The following MYT1L variants were observed in gnomAD, a reference collection of about 807,000 sequenced individuals.
MYT1L encodes myelin transcription factor 1-like protein.
A neutral mutation model predicts 126.7 loss-of-function variants in MYT1L; 12 were observed. That is an observed-to-expected ratio of 0.09 (90% CI 0.06 to 0.15). The LOEUF (loss-of-function observed/expected upper bound fraction) is 0.15. Among genes scored for constraint, MYT1L ranks in the 10% least tolerant of loss-of-function variants. The probability of loss-of-function intolerance (pLI) is 1.00; values close to 1 mark genes in which losing one functional copy is unlikely to be tolerated. For missense variants in MYT1L, 979 were observed against 1,585.2 expected (o/e 0.62, Z 6.49); for synonymous variants, 541 against 604.2 (o/e 0.90, Z 1.53).
intron 18 of MYT1L, among the ~76,000 whole-genome samples, chr2:1,853,472 C>G (rs971899474): frequency 1.6e-5 from 2 of 127,532 alleles, no homozygotes; most frequent in African/African-American, 5.4e-5. Context: ...AAATAAATGA[C>G]TGAACTTAAC....
intron 2 of MYT1L, among the ~76,000 whole-genome samples, chr2:2,279,564 TGAATGAAGGAAG>T (rs1458834162): frequency 2.3e-4 from 28 of 121,682 alleles, no homozygotes; most frequent in East Asian, 1.3e-3. Flanking sequence ...AAGGAATGAA[TGAATGAAGGAAG>T]GAAGGAAGGA....
chr2:2,118,012 G>A (rs2080453085), intron 3 of MYT1L, among the ~76,000 whole-genome samples: 1 of 151,366 alleles, frequency 6.6e-6, no homozygotes, highest in African/African-American at 2.4e-5. Flanking sequence ...ATACTCACAT[G>A]CCCACACTAT....
chr2:2,095,467 T>C (rs558112494), intron 3 of MYT1L, among the ~76,000 whole-genome samples: 2 of 152,310 alleles, frequency 1.3e-5, no homozygotes, highest in South Asian at 2.1e-4. Flanking sequence ...GCGTATGCTA[T>C]CCGACAAGAC....
chr2:2,167,753 T>G (rs1229342821), intron 3 of MYT1L, among the ~76,000 whole-genome samples: 1 of 152,328 alleles, frequency 6.6e-6, no homozygotes. Context: ...GATTCTCCCC[T>G]TTGGGGTGGC....
At chr2:1,925,270 T>G (rs2054072925) in intron 9 of MYT1L, among the ~76,000 whole-genome samples, 1 of 152,182 alleles carries the variant, frequency 6.6e-6, no homozygotes, top group African/African-American at 2.4e-5. Flanking sequence ...ACCTTGAAAG[T>G]GGTGAACAAG....
intron 18 of MYT1L, among the ~76,000 whole-genome samples, chr2:1,864,162 T>C (rs2045124345): frequency 6.6e-6 from 1 of 152,294 alleles, no homozygotes; most frequent in Admixed American, 6.5e-5. Flanking sequence ...CTTCAGGGAA[T>C]TCCAGGAGGC....
chr2:1,817,669 C>A (rs746629130), intron 21 of MYT1L, among the ~76,000 whole-genome samples: 4 of 152,134 alleles, frequency 2.6e-5, no homozygotes, highest in Non-Finnish European at 4.4e-5. Flanking sequence ...GGGGTGGTGG[C>A]GGCCCTGGTG....
At chr2:2,007,583 C>T (rs1213832939) in intron 4 of MYT1L, among the ~76,000 whole-genome samples, 5 of 152,236 alleles carry the variant, frequency 3.3e-5, no homozygotes, top group East Asian at 3.9e-4. Flanking sequence ...CTATCTGCTT[C>T]GGAACAAAGG....
intron 2 of MYT1L, among the ~76,000 whole-genome samples, chr2:2,260,660 T>A (rs946892671): frequency 8.5e-5 from 13 of 152,274 alleles, no homozygotes; most frequent in African/African-American, 1.9e-4. Context: ...GTGAATTATT[T>A]TTTTTTTGTT....
At chr2:2,064,301 C>T (rs1250140781) in intron 3 of MYT1L, among the ~76,000 whole-genome samples, 3 of 152,134 alleles carry the variant, frequency 2.0e-5, no homozygotes, top group Non-Finnish European at 4.4e-5. Flanking sequence ...CCCCTGAGTA[C>T]CTTGCTTGGG....
At chr2:2,026,776 T>C (rs1041023407) in intron 4 of MYT1L, among the ~76,000 whole-genome samples, 1 of 152,076 alleles carries the variant, frequency 6.6e-6, no homozygotes, top group Admixed American at 6.5e-5. Flanking sequence ...CCCAGGGTGC[T>C]TTCTGGTGGA....
intron 2 of MYT1L, among the ~76,000 whole-genome samples, chr2:2,188,160 T>C (rs2148711250): frequency 6.6e-6 from 1 of 152,302 alleles, no homozygotes; most frequent in South Asian, 2.1e-4. Flanking sequence ...ATACACTTCC[T>C]TCCCATGGCA....
intron 11 of MYT1L, among the ~76,000 whole-genome samples, chr2:1,915,011 CCGTGCAGAGCCCCGGCCT>C (rs982600455): frequency 7.9e-5 from 12 of 152,040 alleles, no homozygotes; most frequent in East Asian, 1.9e-4. Context: ...GGAGTCCCCA[CCGTGCAGAGCCCCGGCCT>C]CGTGCAGAGC....
At chr2:1,977,534 T>C (rs1408292564) in intron 8 of MYT1L, among the ~76,000 whole-genome samples, 1 of 152,224 alleles carries the variant, frequency 6.6e-6, no homozygotes, top group African/African-American at 2.4e-5. Flanking sequence ...AAAGAGGATA[T>C]TTAGATTGTT....
At chr2:1,927,836 T>G (rs2054435041) in intron 9 of MYT1L, among the ~76,000 whole-genome samples, 1 of 152,194 alleles carries the variant, frequency 6.6e-6, no homozygotes, top group Admixed American at 6.5e-5. Context: ...TCAAAATATA[T>G]TTTGACTTAT....
chr2:1,911,956 G>A (rs2052067062), intron 12 of MYT1L, 64 bp downstream of exon 12: 6 of 1,311,372 alleles, frequency 4.6e-6, no homozygotes, highest in South Asian at 1.5e-5. Flanking sequence ...GGCCCCCCAG[G>A]AAGGAGAAGG....
chr2:2,084,465 C>A (rs565704461), intron 3 of MYT1L, among the ~76,000 whole-genome samples: 5 of 152,334 alleles, frequency 3.3e-5, no homozygotes, highest in East Asian at 3.9e-4. Flanking sequence ...CAGGTCCTCA[C>A]CCCACTGCCC....
chr2:1,983,360 C>A (rs560464826), intron 5 of MYT1L, among the ~76,000 whole-genome samples: 1 of 152,292 alleles, frequency 6.6e-6, no homozygotes, highest in Admixed American at 6.5e-5. Context: ...CCCTTTCAGC[C>A]AATGAAACCC....
rs78356098 is a variant in MYT1L at position 2,289,467 on chromosome 2, T to C, written c.-520-4964A>G. On this transcript the variant is annotated intron_variant, in intron 1 of 24. Coordinates refer to ENST00000647738, the MANE Select transcript of MYT1L (RefSeq NM_001303052.2). ...TGAGCTAATTTTTACATATATCTTA[T>C]AGAAAAGCTGGGCTTACATAAAAAA... Among the ~76,000 whole-genome samples, 45 of 152,294 alleles carry C rather than the reference T, an allele frequency of 3.0e-4. No individual in the cohort carries two copies. In the East Asian group the frequency reaches 8.5e-3, roughly 29 times the overall value.
Sources: gnomAD v4.1 joint callset for allele counts (sites outside exome capture counted in the v4.1 genomes callset) on GRCh38, gnomAD v4.1.1 for gene constraint, MANE v1.5 for transcripts, NCBI Gene and HGNC (gene_info 2026-07-23, HGNC 2026-07-21) for gene names.